GANAB: variants seen among roughly 807,000 people sequenced by gnomAD.
GANAB encodes glucosidase II alpha subunit, also known as neutral alpha-glucosidase AB.
A neutral mutation model predicts 129.9 loss-of-function variants in GANAB; 35 were observed. The observed-to-expected ratio is 0.27, with a 90% CI of 0.21 to 0.36. The LOEUF (loss-of-function observed/expected upper bound fraction) is 0.36, where lower values mean the gene tolerates loss of function less well. Ranked by LOEUF, GANAB falls within the 10% of genes least tolerant of loss-of-function variation. GANAB has a pLI of 1.00. For synonymous variants in GANAB, 482 were observed against 451.8 expected, an observed-to-expected ratio of 1.07 and a Z score of -0.85; for missense variants, 939 against 1,221.0, an observed-to-expected ratio of 0.77 and a Z score of 3.44.
chr11:62,639,127 T>C lies in GANAB; in HGVS notation c.253-17A>G. The C allele has an allele frequency of 6.2e-7, 1 of 1,613,326 alleles. No individual in the cohort carries two copies. ...CAGCAACACCTGCGGGGACAGAGGT[T>C]TGGATCTGGAGAAAGGAAATGGGAT... On this transcript the variant is annotated splice_polypyrimidine_tract_variant and intron_variant, in intron 3 of 23. Coordinates refer to ENST00000356638, the MANE Select transcript of GANAB (RefSeq NM_198334.3).
At position 62,634,750 on chromosome 11, in the gene GANAB, C is replaced by T. The variant is rs371371837; in HGVS notation, c.560+71G>A. On this transcript the variant is annotated intron_variant, in intron 5 of 23. Transcript: ENST00000356638. ...GGCTGTCCCACCACCGTCTCCTCCC[C>T]GTGCCAGACCTCACAACACCCCTAT... 48 of 1,270,212 alleles carry T rather than the reference C, an allele frequency of 3.8e-5. No individual in the cohort carries two copies. In the Middle Eastern group the frequency reaches 9.6e-4, roughly 25 times the overall value. The allele number at this position is 1,270,212 out of a possible 1,614,324, so 78.7% of individuals were successfully genotyped here. A position where few individuals can be genotyped will look rare whatever the true frequency, so the allele number is the denominator to read the frequency against.
chr11:62,639,172 G>A (rs1944104483), intron 3 of GANAB, 62 bp from the exon 4 acceptor site: 5 of 1,579,788 alleles, frequency 3.2e-6, no homozygotes, highest in Middle Eastern at 1.9e-4. Context: ...AATGCTCTTT[G>A]AACCCATTCT....
At position 62,632,346 on chromosome 11, in the gene GANAB, T is replaced by C. The variant is rs561970482; in HGVS notation, c.996+219A>G. Among the ~76,000 whole-genome samples the C allele has an allele frequency of 3.3e-5, 5 of 152,268 alleles. No homozygotes were observed. In the East Asian group the frequency reaches 9.6e-4, roughly 29 times the overall value. On this transcript the variant is annotated intron_variant, in intron 9 of 23. Coordinates refer to ENST00000356638, the MANE Select transcript of GANAB (RefSeq NM_198334.3). The stretch of plus-strand genomic sequence containing the variant: ...GAGTACCTAGCACGTAACACACTGA[T>C]AATAAGTGCATTCCGTCAGCCCAGA...
At position 62,630,693 on chromosome 11, in the gene GANAB, G is replaced by A; in HGVS notation, c.1294C>T (p.His432Tyr). Reference sequence around the variant, plus strand: ...GTGAAATACCGCTTGCCATCAGCATGTTCAATGTCTAGCCAGATGACATCA... The same window carrying A: ...GTGAAATACCGCTTGCCATCAGCATATTCAATGTCTAGCCAGATGACATCA... ...PCDVIWLDIE[H>Y]ADGKRYFTWD... The change falls in exon 11 of 24, where the codon CAT (histidine) becomes TAT (tyrosine). Residue 432 changes from histidine (H) to tyrosine (Y), a missense_variant. By Grantham distance (83) the His-to-Tyr change is moderately conservative (BLOSUM62 2). Around this residue, in one of 5 missense-constraint regions of GANAB, gnomAD observed 220 missense variants for 295.9 expected, o/e 0.74. Transcript: ENST00000356638. 6.2e-7 allele frequency: 1 copy of A among 1,614,174 alleles called. No individual in the cohort carries two copies. The highest frequency in any genetic ancestry group is 8.5e-7 in the Non-Finnish European group (1 of 1,179,994).
At chr11:62,642,135 CAGG>C (rs1346828955) in intron 1 of GANAB, among the ~76,000 whole-genome samples, 1 of 152,036 alleles carries the variant, frequency 6.6e-6, no homozygotes, top group Non-Finnish European at 1.5e-5. Flanking sequence ...CTGCTTGAAC[CAGG>C]AGGTGGAGGT....
rs891507158 is a variant in GANAB at position 62,625,846 on chromosome 11, A to G, written c.2804T>C (p.Val935Ala). 5.0e-6 allele frequency: 8 copies of G among 1,612,794 alleles called. No homozygotes were observed. The highest frequency in any genetic ancestry group is 6.8e-6 in the Non-Finnish European group (8 of 1,178,956). Reference sequence around the variant, plus strand: ...CAGGTGAATACTCCAATCAGATGCCACATTGATGCCAGGCTTGCGCAGGAC... The same window carrying G: ...CAGGTGAATACTCCAATCAGATGCCGCATTGATGCCAGGCTTGCGCAGGAC... Reference protein sequence around the residue: ...VLVLRKPGINVASDWSIHLR With the variant: ...VLVLRKPGINAASDWSIHLR Residue 935 changes from valine to alanine, a missense_variant, in exon 24 of 24, where the codon GTG becomes GCG. Physicochemically the swap from Val to Ala is moderately conservative, Grantham distance 64. Transcript: ENST00000356638.
Position 62,630,508 on chromosome 11 carries a change from G to C in GANAB, c.1387-3C>G, listed in dbSNP as rs1943619443. 2 of 1,614,158 alleles carry C rather than the reference G, an allele frequency of 1.2e-6. No homozygotes were observed. The highest frequency in any genetic ancestry group is 1.7e-6 in the Non-Finnish European group (2 of 1,180,038). On this transcript the variant is annotated splice_region_variant and splice_polypyrimidine_tract_variant and intron_variant, in intron 11 of 23. Transcript: ENST00000356638. Reference sequence around the variant, plus strand: ...TGGGGGTCTACGATGGCCACCAGCTGGGGGCAAGGAACAGGGGTGTTCAGG... The same window carrying C: ...TGGGGGTCTACGATGGCCACCAGCTCGGGGCAAGGAACAGGGGTGTTCAGG...
chr11:62,634,361 A>T, intron 5 of GANAB: 1 of 1,611,224 alleles, frequency 6.2e-7, no homozygotes, highest in Non-Finnish European at 8.5e-7. Flanking sequence ...CGTGAGATTA[A>T]CCTTATCCGA....
chr11:62,639,691 G>C lies in GANAB; in HGVS notation c.79C>G (p.Leu27Val), dbSNP rs777236146. The C allele has an allele frequency of 1.2e-6, 2 of 1,613,786 alleles. No individual in the cohort carries two copies. The highest frequency in any genetic ancestry group is 1.7e-6 in the Non-Finnish European group (2 of 1,179,924). Reference sequence around the variant, plus strand: ...CTATCCACAGCAAGGGTAATCCCCAGGCAGACCCCTAAAAAAGCCAGTACC... The same window carrying C: ...CTATCCACAGCAAGGGTAATCCCCACGCAGACCCCTAAAAAAGCCAGTACC... The part of the protein sequence containing the change: ...SLVLAFLGVC[L>V]GITLAVDRSN... The change falls in exon 2 of 24, where the codon CTG (leucine) becomes GTG (valine). Residue 27 changes from leucine (L) to valine (V), a missense_variant. By Grantham distance (32) the Leu-to-Val change is conservative. Coordinates refer to ENST00000356638, the MANE Select transcript of GANAB (RefSeq NM_198334.3).
Position 62,632,709 on chromosome 11 carries a change from C to T in GANAB, c.852G>A (p.Val284=), listed in dbSNP as rs144756623. The T allele has an allele frequency of 2.5e-5, 41 of 1,613,900 alleles. No individual in the cohort carries two copies. In the African/African-American group the frequency reaches 5.3e-4, roughly 21 times the overall value. ...GEPYRLYNLD[V]FQYELYNPMA... The stretch of plus-strand genomic sequence containing the variant: ...TTGGGTTGTACAGCTCATACTGGAA[C>T]ACATCCAAATTGTAGAGGCGATATG... The change falls in exon 9 of 24, where the codon GTG becomes GTA. Residue 284 remains valine, a synonymous_variant. Transcript: ENST00000356638.
chr11:62,633,899 A>C (rs1223744260), intron 5 of GANAB: 1 of 381,622 alleles, frequency 2.6e-6, no homozygotes, highest in Non-Finnish European at 4.8e-6. Flanking sequence ...GGCCTGACAC[A>C]ATGGCTTTGC....
chr11:62,630,892 A>G lies in GANAB; in HGVS notation c.1151-56T>C. 4.6e-6 allele frequency: 7 copies of G among 1,520,988 alleles called. 1 individual carries two copies. Among genetic ancestry groups the G allele is most frequent in the Non-Finnish European group, 6.3e-6 (7 of 1,103,538 alleles). The allele number at this position is 1,520,988 out of a possible 1,614,324, so 94.2% of individuals were successfully genotyped here. A position where few individuals can be genotyped will look rare whatever the true frequency, so the allele number is the denominator to read the frequency against. ...CGAGGATCAGGCCCAACACCCAGAAACTGAGGGAGGCTTGTGAACTAGAGG... is the reference window on the plus strand; with the variant it reads ...CGAGGATCAGGCCCAACACCCAGAAGCTGAGGGAGGCTTGTGAACTAGAGG... On this transcript the variant is annotated intron_variant, in intron 10 of 23. Coordinates refer to ENST00000356638, the MANE Select transcript of GANAB (RefSeq NM_198334.3).
chr11:62,630,883 C>T, intron 10 of GANAB, 47 bp from the exon 11 acceptor site: 1 of 1,533,280 alleles, frequency 6.5e-7, no homozygotes, highest in Non-Finnish European at 9.0e-7. Flanking sequence ...TCAGGCCCAA[C>T]ACCCAGAAAC....
At chr11:62,641,432 TTC>T (rs1944256403) in intron 1 of GANAB, among the ~76,000 whole-genome samples, 1 of 151,772 alleles carries the variant, frequency 6.6e-6, no homozygotes, top group Non-Finnish European at 1.5e-5. Flanking sequence ...GGCAGCCTGT[TTC>T]TCTGATTTCT....
In GANAB at chr11:62,630,218, C is replaced by T. The variant is rs1321704156; in HGVS notation, c.1572G>A (p.Met524Ile). ...NPTMRAWWAN[M>I]FSYDNYEGSA... ...CTACCTCATAATTGTCATAGCTGAA[C>T]ATGTTAGCCCACCAGGCCCTCATCG... Residue 524 changes from methionine to isoleucine, a missense_variant, in exon 13 of 24, where the codon ATG becomes ATA. Physicochemically the swap from Met to Ile is conservative, Grantham distance 10. Transcript: ENST00000356638. The T allele has an allele frequency of 1.2e-6, 2 of 1,612,770 alleles. No individual in the cohort carries two copies. Among genetic ancestry groups the T allele is most frequent in the Non-Finnish European group, 1.7e-6 (2 of 1,179,160 alleles).
chr11:62,631,948 T>C (rs1024713219), intron 9 of GANAB, among the ~76,000 whole-genome samples: 26 of 151,234 alleles, frequency 1.7e-4, no homozygotes, highest in African/African-American at 6.1e-4. Context: ...GTGTTTAACG[T>C]GTCTTCCTCC....
chr11:62,633,421 A>C, intron 6 of GANAB, 24 bp downstream of exon 6: 1 of 1,612,302 alleles, frequency 6.2e-7, no homozygotes, highest in East Asian at 2.2e-5. Flanking sequence ...CCTATCCTCC[A>C]ACCACCCACC....
At chr11:62,627,392 T>C (rs1242967099) in intron 17 of GANAB, 39 bp from the exon 18 acceptor site, 1 of 1,186,642 alleles carries the variant, frequency 8.4e-7, no homozygotes, top group Non-Finnish European at 1.3e-6. Flanking sequence ...AACTTTTCAA[T>C]TTTGGCACAA....
intron 1 of GANAB, among the ~76,000 whole-genome samples, chr11:62,642,459 G>A (rs948172373): frequency 5.3e-5 from 8 of 150,444 alleles, no homozygotes; most frequent in Admixed American, 2.0e-4. Flanking sequence ...TTTTGAGATG[G>A]AGCCTTGCTC....
Sources: gnomAD v4.1 joint callset for allele counts (sites outside exome capture counted in the v4.1 genomes callset) on GRCh38, gnomAD v4.1.1 for gene constraint, gnomAD v4.1.1 regional missense constraint, MANE v1.5 for transcripts, NCBI Gene and HGNC (gene_info 2026-07-23, HGNC 2026-07-21) for gene names.